The following NOX4 variants were observed in gnomAD, a reference collection of about 807,000 sequenced individuals.
The protein encoded by NOX4 is NADPH oxidase 4.
Under a neutral mutation model 87.6 loss-of-function variants are expected in NOX4, and 69 were observed. The observed-to-expected ratio is 0.79, with a 90% confidence interval of 0.65 to 0.96. The LOEUF (loss-of-function observed/expected upper bound fraction) is 0.96, where lower values mean the gene tolerates loss of function less well. NOX4 is among the 40% of genes least tolerant of loss of function. The probability of loss-of-function intolerance (pLI) is 0.00; values close to 1 mark genes in which losing one functional copy is unlikely to be tolerated. For missense variants in NOX4, 680 were observed against 681.5 expected (o/e 1.00, Z 0.02); for synonymous variants, 275 against 238.2 (o/e 1.15, Z -1.42).
the NOX4 span, among the ~76,000 whole-genome samples, chr11:89,573,169 A>AT: frequency 6.6e-6 from 1 of 152,170 alleles, no homozygotes; most frequent in Admixed American, 6.5e-5. Context: ...ATATATTATT[A>AT]TTTTTTGCAG....
rs1940465232 is a variant in NOX4, at chr11:89,383,681, G to A, written c.1075-10189C>T. On this transcript the variant is annotated intron_variant, in intron 11 of 17. Coordinates refer to ENST00000263317, the MANE Select transcript of NOX4 (RefSeq NM_016931.5). Reference sequence around the variant, plus strand: ...AACTCCCCAACTCTGATGCCAACTTGGACAACATTCTTTTATGCACTCCTT... The same window carrying A: ...AACTCCCCAACTCTGATGCCAACTTAGACAACATTCTTTTATGCACTCCTT... 2.0e-5 allele frequency among the ~76,000 whole-genome samples: 3 copies of A among 152,148 alleles called. No individual in the cohort carries two copies. The South Asian group carries it at 6.2e-4, about 32-fold the overall frequency.
At chr11:89,586,936 G>C in the NOX4 span, among the ~76,000 whole-genome samples, 1 of 152,126 alleles carries the variant, frequency 6.6e-6, no homozygotes, top group Non-Finnish European at 1.5e-5. Context: ...GCAATTAGGT[G>C]ACTGATAGCT....
chr11:89,561,045 T>TCATA, the NOX4 span, among the ~76,000 whole-genome samples: 1 of 37,536 alleles, frequency 2.7e-5, no homozygotes, highest in African/African-American at 1.5e-4. Context: ...TACACATATA[T>TCATA]CATACATATA....
intron 7 of NOX4, among the ~76,000 whole-genome samples, chr11:89,425,868 T>C (rs1163292967): frequency 6.6e-6 from 1 of 152,182 alleles, no homozygotes; most frequent in Non-Finnish European, 1.5e-5. Context: ...TACATATATA[T>C]ATATCTGTGT....
intron 17 of NOX4, among the ~76,000 whole-genome samples, chr11:89,335,147 G>A (rs1455144779): frequency 1.1e-4 from 16 of 151,728 alleles, no homozygotes; most frequent in South Asian, 8.3e-4. Flanking sequence ...CTAAAAATAC[G>A]TGAGTGGTTA....
At chr11:89,473,805 C>A (rs1591343193) in intron 2 of NOX4, among the ~76,000 whole-genome samples, 1 of 152,190 alleles carries the variant, frequency 6.6e-6, no homozygotes, top group East Asian at 1.9e-4. Flanking sequence ...CGACTCTCTT[C>A]CAGTCTTTCC....
the NOX4 span, among the ~76,000 whole-genome samples, chr11:89,544,306 GTTTA>G: frequency 2.6e-5 from 4 of 152,108 alleles, no homozygotes; most frequent in East Asian, 7.7e-4. Context: ...CATTTTACGT[GTTTA>G]TTTATTGCCT....
intron 12 of NOX4, among the ~76,000 whole-genome samples, chr11:89,363,517 C>A (rs565783088): frequency 6.6e-6 from 1 of 151,778 alleles, no homozygotes; most frequent in Admixed American, 6.6e-5. Context: ...AACTTCAATG[C>A]CATTATAGCT....
chr11:89,491,892 T>A (rs907330379), upstream of NOX4, among the ~76,000 whole-genome samples: 4 of 152,050 alleles, frequency 2.6e-5, no homozygotes, highest in South Asian at 8.3e-4. Context: ...CCACCCTTCC[T>A]CAGCAAATTA....
chr11:89,440,637 C>T, intron 6 of NOX4, 51 bp downstream of exon 6: 1 of 1,355,444 alleles, frequency 7.4e-7, no homozygotes, highest in South Asian at 1.3e-5. Context: ...ATAATGCCTA[C>T]TTTTAAAGAT....
chr11:89,362,888 T>C (rs941437058), intron 12 of NOX4, among the ~76,000 whole-genome samples: 4 of 152,234 alleles, frequency 2.6e-5, no homozygotes, highest in Non-Finnish European at 5.9e-5. Flanking sequence ...GAATTACTAT[T>C]TAAATATGTA....
At chr11:89,399,432 A>AATATATATATATATATAT (rs1208007737) in intron 11 of NOX4, among the ~76,000 whole-genome samples, 10 of 75,640 alleles carry the variant, frequency 1.3e-4, no homozygotes, top group South Asian at 5.1e-4. Context: ...CAAGAAATTA[A>AATATATATATATATATAT]ATATATATAT....
intron 8 of NOX4, among the ~76,000 whole-genome samples, chr11:89,403,547 C>T (rs540305987): frequency 2.6e-5 from 4 of 152,128 alleles, no homozygotes; most frequent in Admixed American, 6.5e-5. Context: ...CGAGACCAGC[C>T]TGACCAACAG....
chr11:89,343,098 G>A (rs572450091), intron 13 of NOX4, among the ~76,000 whole-genome samples: 50 of 152,146 alleles, frequency 3.3e-4, no homozygotes, highest in African/African-American at 1.1e-3. Context: ...TCCCCACAAA[G>A]CTACTCTTTG....
At chr11:89,401,517 C>T (rs1253927705) in intron 9 of NOX4, among the ~76,000 whole-genome samples, 1 of 152,044 alleles carries the variant, frequency 6.6e-6, no homozygotes, top group African/African-American at 2.4e-5. Context: ...TTCTTCTCTT[C>T]CAATAGAGAC....
intron 13 of NOX4, among the ~76,000 whole-genome samples, chr11:89,349,138 T>G (rs1198942182): frequency 1.3e-5 from 2 of 151,808 alleles, no homozygotes; most frequent in Non-Finnish European, 2.9e-5. Flanking sequence ...AATACAAAAA[T>G]TAGCCCGGCA....
chr11:89,466,550 A>T (rs1945703576), intron 2 of NOX4, among the ~76,000 whole-genome samples: 1 of 152,220 alleles, frequency 6.6e-6, no homozygotes, highest in Admixed American at 6.5e-5. Context: ...AGTAAGTGCT[A>T]TCTGTTCCAC....
chr11:89,480,439 T>C (rs1946347362), intron 2 of NOX4, among the ~76,000 whole-genome samples: 1 of 152,146 alleles, frequency 6.6e-6, no homozygotes, highest in Non-Finnish European at 1.5e-5. Context: ...ATGTATTAAG[T>C]CATAATGCTC....
upstream of NOX4, among the ~76,000 whole-genome samples, chr11:89,495,570 C>T (rs1946939248): frequency 6.6e-6 from 1 of 152,130 alleles, no homozygotes; most frequent in Non-Finnish European, 1.5e-5. Flanking sequence ...AGTAACTTTA[C>T]AAGTTCCTGA....
Sources: allele counts gnomAD v4.1 joint callset (sites outside exome capture counted in the v4.1 genomes callset), GRCh38; gene constraint gnomAD v4.1.1; transcripts MANE v1.5; gene names NCBI Gene and HGNC (gene_info 2026-07-23, HGNC 2026-07-21).